Variants in OCA2 observed in about 807,000 individuals in gnomAD.
OCA2 encodes OCA2 melanosomal transmembrane protein.
A neutral mutation model predicts 100.2 loss-of-function variants in OCA2; 77 were observed. That is an observed-to-expected ratio of 0.77 (90% CI 0.64 to 0.93). The LOEUF (loss-of-function observed/expected upper bound fraction) is 0.93. Ranked by LOEUF, OCA2 falls within the 40% of genes least tolerant of loss-of-function variation. The pLI, the probability that OCA2 is intolerant of heterozygous loss-of-function variation, is 0.00. For synonymous variants in OCA2, 432 were observed against 439.2 expected, an observed-to-expected ratio of 0.98 and a Z score of 0.21; for missense variants, 1,062 against 1,089.1, an observed-to-expected ratio of 0.98 and a Z score of 0.35.
intron 19 of OCA2, among the ~76,000 whole-genome samples, chr15:27,889,524 C>T (rs2037369911): frequency 6.6e-6 from 1 of 152,200 alleles, no homozygotes; most frequent in Non-Finnish European, 1.5e-5. Flanking sequence ...GGGTACCTGG[C>T]CTGCCTGGAG....
At chr15:27,855,084 T>C (rs1410590397) in intron 21 of OCA2, among the ~76,000 whole-genome samples, 1 of 152,212 alleles carries the variant, frequency 6.6e-6, no homozygotes, top group Non-Finnish European at 1.5e-5. Flanking sequence ...TGCTCTGACA[T>C]TGTTTTCAAA....
intron 21 of OCA2, among the ~76,000 whole-genome samples, chr15:27,868,879 T>C (rs1422892121): frequency 6.6e-6 from 1 of 152,222 alleles, no homozygotes; most frequent in Non-Finnish European, 1.5e-5. Context: ...ATGACTTCAA[T>C]ACAGCTTTTT....
At chr15:27,947,509 C>T (rs1415229743) in intron 18 of OCA2, among the ~76,000 whole-genome samples, 1 of 152,202 alleles carries the variant, frequency 6.6e-6, no homozygotes, top group Non-Finnish European at 1.5e-5. Flanking sequence ...CAGCCAGCTC[C>T]GTGTGGCCCG....
intron 23 of OCA2, among the ~76,000 whole-genome samples, chr15:27,759,241 A>G (rs557714923): frequency 1.3e-5 from 2 of 152,284 alleles, no homozygotes; most frequent in African/African-American, 4.8e-5. Context: ...GACTCAAGAC[A>G]CTCTCAGATG....
intron 19 of OCA2, among the ~76,000 whole-genome samples, chr15:27,916,339 C>T (rs958871842): frequency 2.6e-5 from 4 of 152,000 alleles, no homozygotes; most frequent in African/African-American, 7.2e-5. Context: ...TACCCCCGAA[C>T]CCAAAATGCA....
rs546598087 is a variant in OCA2 at position 27,927,306 on chromosome 15, T to A, written c.1952-1052A>T. Among the ~76,000 whole-genome samples the A allele has an allele frequency of 3.3e-5, 5 of 152,156 alleles. No individual in the cohort carries two copies. In the East Asian group the frequency reaches 7.7e-4, roughly 24 times the overall value. ...CTCCATCTCAAAAACAAAAAAAAGA[T>A]CCTTCGCTGTTGGTGTGTGAGTCAG... On this transcript the variant is annotated intron_variant, in intron 18 of 23. Coordinates refer to ENST00000354638, the MANE Select transcript of OCA2 (RefSeq NM_000275.3).
chr15:27,737,863 C>T, the OCA2 span, among the ~76,000 whole-genome samples: 1 of 152,184 alleles, frequency 6.6e-6, no homozygotes, highest in Admixed American at 6.5e-5. Context: ...GGTCAGACAA[C>T]GTCATAGGAG....
intron 14 of OCA2, among the ~76,000 whole-genome samples, chr15:27,978,176 G>C (rs559671787): frequency 2.9e-4 from 44 of 152,182 alleles, no homozygotes; most frequent in African/African-American, 1.1e-3. Flanking sequence ...TATATTACTT[G>C]AATCTTTTTA....
chr15:27,730,008 C>T, the OCA2 span, among the ~76,000 whole-genome samples: 7 of 152,188 alleles, frequency 4.6e-5, no homozygotes, highest in Non-Finnish European at 1.0e-4. Flanking sequence ...ACAATTCAAT[C>T]AATTCCAACA....
chr15:28,056,980 CT>C (rs2043722396), intron 2 of OCA2, among the ~76,000 whole-genome samples: 1 of 152,248 alleles, frequency 6.6e-6, no homozygotes, highest in Non-Finnish European at 1.5e-5. Flanking sequence ...TCAGGCCCCC[CT>C]CCTAGTTCAG....
intron 23 of OCA2, among the ~76,000 whole-genome samples, chr15:27,798,891 T>C (rs535722367): frequency 6.6e-6 from 1 of 152,334 alleles, no homozygotes; most frequent in Non-Finnish European, 1.5e-5. Flanking sequence ...ATGTAATAGC[T>C]TGATTTGAAA....
chr15:27,992,974 A>G (rs1652215411), intron 9 of OCA2, among the ~76,000 whole-genome samples: 1 of 152,132 alleles, frequency 6.6e-6, no homozygotes, highest in Non-Finnish European at 1.5e-5. Flanking sequence ...AATAAAAAAA[A>G]TTAGCCAGGT....
intron 23 of OCA2, among the ~76,000 whole-genome samples, chr15:27,810,316 G>GA (rs1237573690): frequency 2.1e-4 from 32 of 152,310 alleles, no homozygotes; most frequent in African/African-American, 7.5e-4. Flanking sequence ...GAAGAAGAAT[G>GA]AAACTGTATC....
chr15:27,870,210 C>T (rs986680505), intron 21 of OCA2, among the ~76,000 whole-genome samples: 3 of 152,186 alleles, frequency 2.0e-5, no homozygotes, highest in African/African-American at 7.2e-5. Context: ...TTGGGACCCC[C>T]TTGCATGGGA....
chr15:27,780,294 C>T (rs1334950314), intron 23 of OCA2, among the ~76,000 whole-genome samples: 3 of 152,170 alleles, frequency 2.0e-5, no homozygotes, highest in African/African-American at 4.8e-5. Context: ...GTGGTATGCC[C>T]GAGACTACCA....
chr15:27,749,414 A>T, the OCA2 span, among the ~76,000 whole-genome samples: 8 of 152,336 alleles, frequency 5.3e-5, no homozygotes, highest in Admixed American at 5.2e-4. Flanking sequence ...GAATGAAGAA[A>T]AACTGAAAGA....
At chr15:27,851,284 T>C in intron 22 of OCA2, 98 bp downstream of exon 22, 2 of 995,394 alleles carry the variant, frequency 2.0e-6, no homozygotes, top group African/African-American at 1.6e-5. Context: ...CAGACTCTCC[T>C]TCATTTGCTT....
intron 19 of OCA2, among the ~76,000 whole-genome samples, chr15:27,914,334 T>A (rs2038582226): frequency 6.6e-6 from 1 of 152,110 alleles, no homozygotes; most frequent in Non-Finnish European, 1.5e-5. Context: ...CCACTCCTAT[T>A]CAACATAGTA....
intron 19 of OCA2, among the ~76,000 whole-genome samples, chr15:27,899,850 C>A (rs1300588082): frequency 6.6e-6 from 1 of 152,216 alleles, no homozygotes; most frequent in Non-Finnish European, 1.5e-5. Flanking sequence ...CACTGGGAAG[C>A]ACTGGTGTGG....
Sources: gnomAD v4.1 joint callset for allele counts (sites outside exome capture counted in the v4.1 genomes callset) on GRCh38, gnomAD v4.1.1 for gene constraint, MANE v1.5 for transcripts, NCBI Gene and HGNC (gene_info 2026-07-23, HGNC 2026-07-21) for gene names.